APIP: variants seen among roughly 807,000 people sequenced by gnomAD.
APIP encodes APAF1 interacting protein.
In APIP, 32 loss-of-function variants were observed where a neutral mutation model predicts 32.0. The ratio of observed to expected loss-of-function variants is 1.00; its 90% CI spans 0.76 to 1.34. The LOEUF is 1.34. APIP is among the 40% of genes most tolerant of loss of function. The pLI is 0.00. For synonymous variants in APIP, 92 were observed against 94.8 expected, an observed-to-expected ratio of 0.97 and a Z score of 0.17; for missense variants, 247 against 298.6, an observed-to-expected ratio of 0.83 and a Z score of 1.27.
intron 6 of APIP, 146 bp from the exon 7 acceptor site, chr11:34,882,962 T>G (rs2288668): frequency 0.69 from 391,414 of 565,438 alleles, 136,953 homozygotes; most frequent in Middle Eastern, 0.75. Context: ...ATTCTATTTT[T>G]CCCTCAACAT....
chr11:34,912,815 T>C (rs1041805233), intron 1 of APIP, among the ~76,000 whole-genome samples: 1 of 152,212 alleles, frequency 6.6e-6, no homozygotes, highest in Non-Finnish European at 1.5e-5. Context: ...CGTGAGTTAA[T>C]GCTTAATAAA....
rs112195172 is a variant in APIP at position 34,891,717 on chromosome 11, C to T, written c.159-1165G>A. 5.5e-3 allele frequency among the ~76,000 whole-genome samples: 835 copies of T among 152,256 alleles called. 12 individuals carry two copies. Among genetic ancestry groups the T allele is most frequent in the African/African-American group, 0.019 (798 of 41,560 alleles). ...AATCCAATGCACTGTTAGCTGCACG[C>T]GAGCATTTGCTTTCATGAAGTGGCT... is the stretch of plus-strand genomic sequence containing the variant. On this transcript the variant is annotated intron_variant, in intron 2 of 6. Transcript: ENST00000395787.
At chr11:34,900,829 C>T (rs768019054) in intron 1 of APIP, among the ~76,000 whole-genome samples, 13 of 152,008 alleles carry the variant, frequency 8.6e-5, no homozygotes, top group Non-Finnish European at 1.6e-4. Context: ...TTAGAGGGCC[C>T]ATGGAAAACC....
intron 1 of APIP, among the ~76,000 whole-genome samples, chr11:34,905,522 C>T (rs1244805279): frequency 6.6e-6 from 1 of 152,210 alleles, no homozygotes; most frequent in Non-Finnish European, 1.5e-5. Context: ...CATCCTCAGG[C>T]TGGGACAAGA....
intron 5 of APIP, among the ~76,000 whole-genome samples, chr11:34,886,197 C>T (rs1336434148): frequency 1.3e-5 from 2 of 151,908 alleles, no homozygotes; most frequent in Admixed American, 6.6e-5. Context: ...ATGTTACTTG[C>T]CCCTGAAGAC....
At chr11:34,898,320 G>A (rs79070846) in intron 1 of APIP, among the ~76,000 whole-genome samples, 28,790 of 152,060 alleles carry the variant, frequency 0.19, 3,898 homozygotes, top group African/African-American at 0.39. Flanking sequence ...TAGGCTTGCT[G>A]GTGGAGAACA....
intron 1 of APIP, among the ~76,000 whole-genome samples, chr11:34,901,904 G>A (rs1590710792): frequency 6.6e-6 from 1 of 152,280 alleles, no homozygotes; most frequent in Non-Finnish European, 1.5e-5. Context: ...CAGAGGCTAG[G>A]AAAGGGCTAG....
rs3763930 is a variant in APIP at position 34,915,939 on chromosome 11, G to C, written c.57+289C>G. On this transcript the variant is annotated intron_variant, in intron 1 of 6. Transcript: ENST00000395787. ...GGCCTGCCTTCCTGATAAATACCCG[G>C]TGAGGTCACCTAAACGCTCTCCTCT... 0.14 allele frequency: 74,936 copies of C among 525,116 alleles called. 7,222 individuals carry two copies. Among genetic ancestry groups the C allele is most frequent in the African/African-American group, 0.39 (19,285 of 49,370 alleles). The allele number at this position is 525,116 out of a possible 1,614,324, so 32.5% of individuals were successfully genotyped here.
intron 1 of APIP, among the ~76,000 whole-genome samples, chr11:34,912,717 T>C (rs939865588): frequency 6.6e-6 from 1 of 152,220 alleles, no homozygotes; most frequent in African/African-American, 2.4e-5. Flanking sequence ...ACTTGAACAC[T>C]GGACTCCAAG....
chr11:34,891,623 T>A (rs982883039), intron 2 of APIP, among the ~76,000 whole-genome samples: 14 of 152,128 alleles, frequency 9.2e-5, no homozygotes, highest in Non-Finnish European at 1.9e-4. Flanking sequence ...AAATCTAAGG[T>A]GAAATCAAAG....
intron 1 of APIP, among the ~76,000 whole-genome samples, chr11:34,913,749 C>T (rs1356014342): frequency 2.6e-5 from 4 of 152,188 alleles, no homozygotes; most frequent in Non-Finnish European, 4.4e-5. Context: ...CCACCCACAT[C>T]CTGCTGATTG....
Position 34,911,865 on chromosome 11 carries a change from T to A in APIP, c.57+4363A>T, listed in dbSNP as rs1234337230. Among the ~76,000 whole-genome samples, 3 of 152,278 alleles carry A rather than the reference T, an allele frequency of 2.0e-5. No homozygotes were observed. The South Asian group carries it at 6.2e-4, about 32-fold the overall frequency. On this transcript the variant is annotated intron_variant, in intron 1 of 6. Transcript: ENST00000395787. ...TGCAAAATACTTTGTCATCCCCTAA[T>A]GGAACTTCATCCTTTCCCCCCATGC...
At chr11:34,888,503 G>C in intron 4 of APIP, 75 bp from the exon 5 acceptor site, 2 of 1,554,678 alleles carry the variant, frequency 1.3e-6, no homozygotes, top group Non-Finnish European at 1.7e-6. Flanking sequence ...AGTCCATATA[G>C]TTATACTTAT....
intron 1 of APIP, among the ~76,000 whole-genome samples, chr11:34,908,095 T>C (rs956878247): frequency 1.3e-5 from 2 of 152,194 alleles, no homozygotes; most frequent in Admixed American, 1.3e-4. Context: ...TAGTAAGATG[T>C]TACAACTGAT....
chr11:34,912,212 C>T (rs889581529), intron 1 of APIP, among the ~76,000 whole-genome samples: 2 of 152,032 alleles, frequency 1.3e-5, no homozygotes, highest in East Asian at 3.9e-4. Context: ...GAAGAAAGTA[C>T]ATGAAACATA....
intron 1 of APIP, chr11:34,896,611 T>C (rs1853276052): frequency 5.3e-6 from 2 of 379,396 alleles, no homozygotes; most frequent in South Asian, 2.2e-5. Flanking sequence ...TTAGGAGAAA[T>C]ACCTAACATA....
chr11:34,893,344 T>A (rs1373946302), intron 2 of APIP, among the ~76,000 whole-genome samples: 1 of 152,190 alleles, frequency 6.6e-6, no homozygotes, highest in Non-Finnish European at 1.5e-5. Context: ...AAGCTTTATT[T>A]TATACATACA....
intron 5 of APIP, 64 bp from the exon 6 acceptor site, chr11:34,883,568 A>C: frequency 2.0e-6 from 3 of 1,510,266 alleles, no homozygotes; most frequent in Non-Finnish European, 1.8e-6. Context: ...TGTATACAAC[A>C]TGTAATTTTT....
intron 5 of APIP, among the ~76,000 whole-genome samples, chr11:34,886,345 GA>G (rs1430492031): frequency 1.3e-5 from 2 of 151,160 alleles, no homozygotes; most frequent in African/African-American, 2.4e-5. Flanking sequence ...AATTAAAATA[GA>G]AAAAAGCTTA....
Sources: allele counts gnomAD v4.1 joint callset (sites outside exome capture counted in the v4.1 genomes callset), GRCh38; gene constraint gnomAD v4.1.1; transcripts MANE v1.5; gene names NCBI Gene and HGNC (gene_info 2026-07-23, HGNC 2026-07-21).